Variants in EYS observed in about 807,000 individuals in gnomAD.
EYS encodes EGF-like photoreceptor maintenance factor.
EYS carries 250 observed loss-of-function variants against 282.1 expected under a neutral mutation model. The observed-to-expected ratio is 0.89, with a 90% CI of 0.80 to 0.98. The LOEUF (loss-of-function observed/expected upper bound fraction) is 0.98. EYS is among the 50% of genes least tolerant of loss of function. EYS has a pLI of 0.00. For synonymous variants in EYS, 1,355 were observed against 1,282.9 expected (o/e 1.06, Z -1.20); for missense variants, 4,016 against 3,709.0 (o/e 1.08, Z -2.15).
At position 65,510,014 on chromosome 6, in the gene EYS, T is replaced by G. The variant is rs532452339; in HGVS notation, c.-332-14021A>C. 5.9e-5 allele frequency among the ~76,000 whole-genome samples: 9 copies of G among 152,178 alleles called. No homozygotes were observed. The South Asian group carries it at 1.9e-3, about 32-fold the overall frequency. The stretch of plus-strand genomic sequence containing the variant: ...TTTTGCTGGAGAAAATTTTCTTTTT[T>G]TTTTCTTTTTTTAATTATTATTATA... On this transcript the variant is annotated intron_variant, in intron 2 of 42. Coordinates refer to ENST00000503581, the MANE Select transcript of EYS (RefSeq NM_001142800.2).
intron 15 of EYS, among the ~76,000 whole-genome samples, chr6:64,926,050 G>C (rs77794111): frequency 0.01 from 1,577 of 152,200 alleles, 15 homozygotes; most frequent in African/African-American, 0.036. Context: ...CCCAACCTAG[G>C]AGGGCTCCCT....
At chr6:64,049,067 C>T (rs1770722773) in intron 33 of EYS, among the ~76,000 whole-genome samples, 1 of 152,150 alleles carries the variant, frequency 6.6e-6, no homozygotes, top group African/African-American at 2.4e-5. Context: ...ATGGCACTTA[C>T]AATCAGTACT....
chr6:64,471,188 A>C (rs1236941650), intron 26 of EYS, among the ~76,000 whole-genome samples: 1 of 152,074 alleles, frequency 6.6e-6, no homozygotes, highest in East Asian at 1.9e-4. Flanking sequence ...ATCCACAAGA[A>C]AAGTATGCCC....
chr6:64,616,514 T>C (rs2149848662), intron 24 of EYS, among the ~76,000 whole-genome samples: 1 of 151,814 alleles, frequency 6.6e-6, no homozygotes, highest in East Asian at 1.9e-4. Context: ...CCTTCTACAA[T>C]TGATTTTTCA....
At position 64,388,708 on chromosome 6, in the gene EYS, G is replaced by T. The variant is rs1427608537; in HGVS notation, c.6060C>A (p.Asp2020Glu). The change falls in exon 29 of 43, where the codon GAC becomes GAA. Residue 2020 changes from aspartate (D) to glutamate (E), a missense_variant. By Grantham distance (45) the Asp-to-Glu change is conservative. Coordinates refer to ENST00000503581, the MANE Select transcript of EYS (RefSeq NM_001142800.2). ...GAAATACCTGGATTTTCCCATGAAG[G>T]TCTGGAAATCCACCAATGAAGACAG... ...SGSVFIGGFPDLHGKIQMPVP... is the reference protein window; with the variant it reads ...SGSVFIGGFPELHGKIQMPVP... The T allele has an allele frequency of 1.2e-5, 18 of 1,535,942 alleles. No homozygotes were observed. The highest frequency in any genetic ancestry group is 1.5e-5 in the Non-Finnish European group (17 of 1,140,206).
chr6:65,143,157 C>T (rs966742403), intron 12 of EYS, among the ~76,000 whole-genome samples: 13 of 151,884 alleles, frequency 8.6e-5, no homozygotes, highest in Non-Finnish European at 2.9e-5. Flanking sequence ...GAATCATATG[C>T]TGATATACTC....
In EYS at chr6:64,998,202, C is replaced by T. The variant is rs115734090; in HGVS notation, c.2138-499G>A. Among the ~76,000 whole-genome samples the T allele has an allele frequency of 3.3e-3, 498 of 152,262 alleles. 4 individuals are homozygous for T. Among genetic ancestry groups the T allele is most frequent in the African/African-American group, 0.011 (462 of 41,546 alleles). ...AAGCCTTAGTTAAAAAGAGCTTTCA[C>T]GTTTCATCAAAATCTTTGTAAAATA... On this transcript the variant is annotated intron_variant, in intron 13 of 42. Transcript: ENST00000503581.
At chr6:64,678,704 G>T (rs1477594049) in intron 22 of EYS, among the ~76,000 whole-genome samples, 1 of 151,976 alleles carries the variant, frequency 6.6e-6, no homozygotes, top group Non-Finnish European at 1.5e-5. Flanking sequence ...ATCATTTTGA[G>T]GCCTGCACAG....
At chr6:65,234,466 T>G (rs139687713) in intron 12 of EYS, among the ~76,000 whole-genome samples, 127 of 152,306 alleles carry the variant, frequency 8.3e-4, no homozygotes, top group Middle Eastern at 6.8e-3. Context: ...TAGATATCAT[T>G]AGTTTCTATA....
intron 14 of EYS, among the ~76,000 whole-genome samples, chr6:64,952,109 A>G (rs973563814): frequency 2.0e-5 from 3 of 152,058 alleles, no homozygotes; most frequent in African/African-American, 7.2e-5. Flanking sequence ...CAAAGATCAC[A>G]ACTTACTCCC....
At chr6:64,314,672 T>C (rs1379871696) in intron 29 of EYS, among the ~76,000 whole-genome samples, 1 of 152,144 alleles carries the variant, frequency 6.6e-6, no homozygotes, top group Non-Finnish European at 1.5e-5. Context: ...AACTTGCTCC[T>C]GAGTGACTGG....
At chr6:65,239,879 GA>G (rs1368530366) in intron 12 of EYS, among the ~76,000 whole-genome samples, 1 of 150,552 alleles carries the variant, frequency 6.6e-6, no homozygotes, top group Non-Finnish European at 1.5e-5. Flanking sequence ...ACTATAAGCA[GA>G]AAAAAAATCT....
chr6:65,597,502 T>C (rs922471294), intron 2 of EYS, among the ~76,000 whole-genome samples: 1 of 152,124 alleles, frequency 6.6e-6, no homozygotes, highest in African/African-American at 2.4e-5. Context: ...AATGAATGGA[T>C]AGACACCCCC....
chr6:65,422,018 A>G (rs1767485128), intron 5 of EYS, among the ~76,000 whole-genome samples: 1 of 151,952 alleles, frequency 6.6e-6, no homozygotes, highest in African/African-American at 2.4e-5. Context: ...AAGTGAGCAC[A>G]TGGTGTTAGA....
At chr6:64,656,438 C>T (rs1768749243) in intron 22 of EYS, among the ~76,000 whole-genome samples, 1 of 152,092 alleles carries the variant, frequency 6.6e-6, no homozygotes, top group East Asian at 1.9e-4. Flanking sequence ...TTTTCCAAGA[C>T]AGGAATACCT....
intron 5 of EYS, among the ~76,000 whole-genome samples, chr6:65,479,896 C>T (rs998453131): frequency 6.6e-6 from 1 of 151,738 alleles, no homozygotes; most frequent in African/African-American, 2.4e-5. Flanking sequence ...TGGCTCACAC[C>T]TGTAATCCCA....
chr6:63,771,016 A>T (rs1769915028), intron 40 of EYS, among the ~76,000 whole-genome samples: 1 of 152,266 alleles, frequency 6.6e-6, no homozygotes, highest in South Asian at 2.1e-4. Context: ...CTCTTTACAT[A>T]CTAATGAAAA....
At chr6:64,387,477 T>C (rs1466829165) in intron 29 of EYS, among the ~76,000 whole-genome samples, 2 of 152,270 alleles carry the variant, frequency 1.3e-5, no homozygotes, top group East Asian at 3.9e-4. Flanking sequence ...AAAAGTATAG[T>C]TATGAAATAA....
chr6:65,541,493 A>C (rs562288813), intron 2 of EYS, among the ~76,000 whole-genome samples: 36 of 152,294 alleles, frequency 2.4e-4, no homozygotes, highest in Admixed American at 5.9e-4. Flanking sequence ...GTGTTTCAAA[A>C]TCACAACAAT....
Sources: gnomAD v4.1 joint callset for allele counts (sites outside exome capture counted in the v4.1 genomes callset) on GRCh38, gnomAD v4.1.1 for gene constraint, MANE v1.5 for transcripts, NCBI Gene and HGNC (gene_info 2026-07-23, HGNC 2026-07-21) for gene names.